The following STK32B variants were observed in gnomAD, a reference collection of about 807,000 sequenced individuals.
The protein encoded by STK32B is serine/threonine kinase 32B, also known as serine/threonine-protein kinase 32B.
Under a neutral mutation model 52.6 loss-of-function variants are expected in STK32B, and 43 were observed. That is an observed-to-expected ratio of 0.82 (90% CI 0.64 to 1.05). The LOEUF (loss-of-function observed/expected upper bound fraction) is 1.05, where lower values mean the gene tolerates loss of function less well. STK32B is among the 50% of genes least tolerant of loss of function. STK32B has a pLI of 0.00. For synonymous variants in STK32B, 238 were observed against 204.3 expected (o/e 1.17, Z -1.41); for missense variants, 621 against 534.6 (o/e 1.16, Z -1.59).
intron 1 of STK32B, among the ~76,000 whole-genome samples, chr4:5,063,043 A>C (rs1232664634): frequency 6.6e-6 from 1 of 152,134 alleles, no homozygotes; most frequent in Admixed American, 6.5e-5. Context: ...TGTGAACCAT[A>C]CGGCTGTGAA....
At chr4:5,444,620 TC>T (rs935776335) in intron 6 of STK32B, among the ~76,000 whole-genome samples, 1 of 152,138 alleles carries the variant, frequency 6.6e-6, no homozygotes, top group African/African-American at 2.4e-5. Context: ...CCATCTTGGC[TC>T]CTCCCCCCGC....
chr4:5,116,478 C>T (rs1714722176), intron 1 of STK32B, among the ~76,000 whole-genome samples: 1 of 152,116 alleles, frequency 6.6e-6, no homozygotes. Context: ...TATCTATCAA[C>T]TCATATACTT....
intron 3 of STK32B, among the ~76,000 whole-genome samples, chr4:5,255,335 A>G (rs1726222575): frequency 6.6e-6 from 1 of 152,200 alleles, no homozygotes; most frequent in African/African-American, 2.4e-5. Flanking sequence ...AATTGCTTGC[A>G]TCTTGCAAAG....
chr4:5,345,153 T>C (rs1250668047), intron 4 of STK32B, among the ~76,000 whole-genome samples: 2 of 152,070 alleles, frequency 1.3e-5, no homozygotes, highest in African/African-American at 4.8e-5. Flanking sequence ...TTTTATCATC[T>C]TATTGAATTC....
intron 3 of STK32B, among the ~76,000 whole-genome samples, chr4:5,290,416 C>CT (rs1176745239): frequency 2.0e-5 from 3 of 151,948 alleles, no homozygotes; most frequent in Admixed American, 2.0e-4. Context: ...CATTTTTAAA[C>CT]TTTTTTGTTA....
chr4:5,150,771 G>A (rs888378011), intron 2 of STK32B, among the ~76,000 whole-genome samples: 1 of 152,140 alleles, frequency 6.6e-6, no homozygotes, highest in South Asian at 2.1e-4. Context: ...CTCAGAAAGA[G>A]TTGTAGCCCA....
At chr4:5,026,228 C>A in the STK32B span, among the ~76,000 whole-genome samples, 1 of 152,194 alleles carries the variant, frequency 6.6e-6, no homozygotes, top group African/African-American at 2.4e-5. Flanking sequence ...TTCAGACAGG[C>A]ATATTCCAAT....
At chr4:5,057,852 A>G (rs16836584) in intron 1 of STK32B, among the ~76,000 whole-genome samples, 1,588 of 152,326 alleles carry the variant, frequency 0.01, 32 homozygotes, top group African/African-American at 0.037. Context: ...TGAGGGTCCT[A>G]ACACCCTAAA....
chr4:5,349,631 A>G (rs1193770553), intron 4 of STK32B, among the ~76,000 whole-genome samples: 4 of 152,214 alleles, frequency 2.6e-5, no homozygotes, highest in African/African-American at 9.6e-5. Flanking sequence ...CTGGCAACAC[A>G]GATCCCAATC....
At chr4:5,155,624 G>A (rs1717764531) in intron 2 of STK32B, among the ~76,000 whole-genome samples, 1 of 152,114 alleles carries the variant, frequency 6.6e-6, no homozygotes, top group Admixed American at 6.5e-5. Context: ...GAGGTGACTG[G>A]TTCCTGGGGG....
rs144602712 is a variant in STK32B, at chr4:5,098,265, T to C, written c.53-41640T>C. 1.3e-3 allele frequency among the ~76,000 whole-genome samples: 200 copies of C among 152,364 alleles called. 3 individuals carry two copies. Among genetic ancestry groups the C allele is most frequent in the African/African-American group, 4.4e-3 (185 of 41,584 alleles). On this transcript the variant is annotated intron_variant, in intron 1 of 11. Coordinates refer to ENST00000282908, the MANE Select transcript of STK32B (RefSeq NM_018401.3). ...TGATTTGGAGCAGAAGGACTTGTTA[T>C]GTTTACAGTACTACAGGAAAGGAAA...
intron 4 of STK32B, among the ~76,000 whole-genome samples, chr4:5,370,715 G>A (rs1003284410): frequency 3.9e-5 from 6 of 152,050 alleles, no homozygotes; most frequent in African/African-American, 9.7e-5. Flanking sequence ...TCTGACAGCC[G>A]GGCATAGTGG....
At chr4:5,081,005 G>A (rs1006331686) in intron 1 of STK32B, among the ~76,000 whole-genome samples, 3 of 152,102 alleles carry the variant, frequency 2.0e-5, no homozygotes, top group African/African-American at 7.2e-5. Context: ...GTTTTTGTGA[G>A]TTTGGCTTTT....
At chr4:5,073,591 A>G (rs1049658143) in intron 1 of STK32B, among the ~76,000 whole-genome samples, 3 of 152,052 alleles carry the variant, frequency 2.0e-5, no homozygotes, top group Non-Finnish European at 2.9e-5. Flanking sequence ...CTTCCTATGG[A>G]TTCAAAGTTT....
chr4:5,385,044 T>C (rs1736155968), intron 4 of STK32B, among the ~76,000 whole-genome samples: 1 of 152,042 alleles, frequency 6.6e-6, no homozygotes, highest in African/African-American at 2.4e-5. Context: ...TGGTGGGACT[T>C]TTCCGAGCGT....
chr4:5,472,358 G>A (rs1265423450), intron 11 of STK32B, among the ~76,000 whole-genome samples: 1 of 152,222 alleles, frequency 6.6e-6, no homozygotes, highest in African/African-American at 2.4e-5. Flanking sequence ...TCGAAACAGA[G>A]AACAAAATTA....
At chr4:5,031,458 G>C in the STK32B span, among the ~76,000 whole-genome samples, 3,196 of 152,136 alleles carry the variant, frequency 0.021, 121 homozygotes, top group African/African-American at 0.073. Flanking sequence ...ACTTAGCTGG[G>C]TATGGTGGCA....
At chr4:5,196,304 C>G (rs1029346078) in intron 3 of STK32B, among the ~76,000 whole-genome samples, 1 of 148,926 alleles carries the variant, frequency 6.7e-6, no homozygotes, top group Non-Finnish European at 1.5e-5. Context: ...TTCCTTTTCC[C>G]TCTCTTTCCT....
In STK32B at chr4:5,076,445, TC is replaced by T. The variant is rs568440528; in HGVS notation, c.52+24531del. On this transcript the variant is annotated intron_variant, in intron 1 of 11. Coordinates refer to ENST00000282908, the MANE Select transcript of STK32B (RefSeq NM_018401.3). ...TGCTTATAAATTTTTTACCTTGCAT[TC>T]ATGATAATTTCCTTACAGTTGTCAA... is the stretch of plus-strand genomic sequence containing the variant. Among the ~76,000 whole-genome samples the T allele has an allele frequency of 3.8e-3, 577 of 152,312 alleles. 6 individuals carry two copies. The highest frequency in any genetic ancestry group is 5.6e-3 in the Non-Finnish European group (380 of 68,032).
Sources: gnomAD v4.1 joint callset for allele counts (sites outside exome capture counted in the v4.1 genomes callset) on GRCh38, gnomAD v4.1.1 for gene constraint, MANE v1.5 for transcripts, NCBI Gene and HGNC (gene_info 2026-07-23, HGNC 2026-07-21) for gene names.